The following FRMPD2 variants were observed in gnomAD, a reference collection of about 807,000 sequenced individuals.
The protein encoded by FRMPD2 is FERM and PDZ domain containing 2.
In FRMPD2, 96 loss-of-function variants were observed where a neutral mutation model predicts 140.1. The observed-to-expected ratio is 0.69, with a 90% CI of 0.58 to 0.81. The LOEUF (loss-of-function observed/expected upper bound fraction) is 0.81. Ranked by LOEUF, FRMPD2 falls within the 40% of genes least tolerant of loss-of-function variation. FRMPD2 has a pLI of 0.00. For missense variants in FRMPD2, 1,240 were observed against 1,447.4 expected, an observed-to-expected ratio of 0.86 and a Z score of 2.32; for synonymous variants, 449 against 547.6, an observed-to-expected ratio of 0.82 and a Z score of 2.52.
intron 8 of FRMPD2, among the ~76,000 whole-genome samples, chr10:48,237,207 C>G (rs1839987215): frequency 6.6e-6 from 1 of 152,070 alleles, no homozygotes; most frequent in Non-Finnish European, 1.5e-5. Flanking sequence ...TTCTATAGTG[C>G]CCCCAAGGGT....
intron 9 of FRMPD2, 52 bp downstream of exon 9, chr10:48,236,430 G>T: frequency 6.6e-7 from 1 of 1,526,260 alleles, no homozygotes; most frequent in Non-Finnish European, 9.1e-7. Context: ...TCCCGCAACT[G>T]CCCACTTCCC....
chr10:48,250,795 C>CTT (rs34856884), intron 2 of FRMPD2, among the ~76,000 whole-genome samples: 33 of 117,094 alleles, frequency 2.8e-4, no homozygotes, highest in African/African-American at 6.3e-4. Context: ...GTAGGTCTGC[C>CTT]TTTTTTTTTT....
At chr10:48,224,145 C>T (rs1447226156) in intron 10 of FRMPD2, among the ~76,000 whole-genome samples, 1 of 152,208 alleles carries the variant, frequency 6.6e-6, no homozygotes, top group Non-Finnish European at 1.5e-5. Flanking sequence ...CAAGTGTGTC[C>T]TCCAGTACCC....
In FRMPD2 at chr10:48,274,578, C is replaced by A. The variant is rs1176418153; in HGVS notation, c.-11G>T. 1 of 1,614,042 alleles carries A rather than the reference C, an allele frequency of 6.2e-7. No individual in the cohort carries two copies. The highest frequency in any genetic ancestry group is 1.7e-5 in the Admixed American group (1 of 60,022). On this transcript the variant is annotated 5_prime_UTR_variant, in exon 1 of 29. Transcript: ENST00000374201. ...CGTTAAAGGCTGCATCCAAAAGTCT[C>A]CGTGACCAGGTCTAGGCCTTCATCA... is the stretch of plus-strand genomic sequence containing the variant.
intron 15 of FRMPD2, among the ~76,000 whole-genome samples, chr10:48,195,407 T>C (rs1838928624): frequency 6.6e-6 from 1 of 152,232 alleles, no homozygotes; most frequent in Non-Finnish European, 1.5e-5. Flanking sequence ...AAGAAGCACT[T>C]GGAAAGTGCT....
At chr10:48,259,901 A>G (rs1423456825) in intron 1 of FRMPD2, among the ~76,000 whole-genome samples, 1 of 152,182 alleles carries the variant, frequency 6.6e-6, no homozygotes, top group Non-Finnish European at 1.5e-5. Context: ...AAGGGAGAGA[A>G]AAACAAGAAC....
In FRMPD2 at chr10:48,207,960, C is replaced by A. The variant is rs116424736; in HGVS notation, c.1612-1027G>T. ...CAGACAGCTATGCTGCCTGCAGACT[C>A]CACAGCTCTTCACACAGGGTTCAGA... On this transcript the variant is annotated intron_variant, in intron 13 of 28. Transcript: ENST00000374201. Among the ~76,000 whole-genome samples the A allele has an allele frequency of 5.7e-3, 868 of 152,300 alleles. 8 individuals are homozygous for A. Among genetic ancestry groups the A allele is most frequent in the African/African-American group, 0.02 (822 of 41,554 alleles).
chr10:48,194,067 T>C (rs925384527), intron 15 of FRMPD2, among the ~76,000 whole-genome samples: 2 of 152,238 alleles, frequency 1.3e-5, no homozygotes, highest in African/African-American at 2.4e-5. Context: ...CATACAGAGC[T>C]TGGGCTTGCT....
chr10:48,209,624 C>T (rs892988399), intron 13 of FRMPD2, among the ~76,000 whole-genome samples: 5 of 152,206 alleles, frequency 3.3e-5, no homozygotes, highest in African/African-American at 7.2e-5. Context: ...TGAGGATCCA[C>T]GGCCTTCCAG....
In FRMPD2 at chr10:48,192,901, T is replaced by C. The variant is rs557217145; in HGVS notation, c.1955-7A>G. On this transcript the variant is annotated splice_polypyrimidine_tract_variant and splice_region_variant and intron_variant, in intron 15 of 28. Coordinates refer to ENST00000374201, the MANE Select transcript of FRMPD2 (RefSeq NM_001018071.4). ...TGCACAAACTTATCATGGTCTGAAT[T>C]TGGGGAGAAAAACATAGACATACAC... 8 of 1,609,302 alleles carry C rather than the reference T, an allele frequency of 5.0e-6. No homozygotes were observed. In the African/African-American group the frequency reaches 1.1e-4, roughly 21 times the overall value.
intron 5 of FRMPD2, among the ~76,000 whole-genome samples, chr10:48,241,507 G>C (rs565507551): frequency 7.2e-5 from 11 of 152,338 alleles, no homozygotes; most frequent in African/African-American, 2.6e-4. Flanking sequence ...GTCTCCAGCT[G>C]AGACTATATC....
chr10:48,172,723 A>G (rs2132407388), intron 25 of FRMPD2, among the ~76,000 whole-genome samples: 1 of 152,258 alleles, frequency 6.6e-6, no homozygotes, highest in South Asian at 2.1e-4. Flanking sequence ...GGGGGCAGAA[A>G]GATGCCTAGA....
intron 14 of FRMPD2, among the ~76,000 whole-genome samples, chr10:48,204,101 C>T (rs2131868179): frequency 6.6e-6 from 1 of 152,290 alleles, no homozygotes; most frequent in African/African-American, 2.4e-5. Context: ...ATGAAATTGA[C>T]CATGCCCTAT....
intron 12 of FRMPD2, among the ~76,000 whole-genome samples, chr10:48,215,731 CAGA>C (rs952078149): frequency 1.3e-5 from 2 of 152,076 alleles, no homozygotes; most frequent in Non-Finnish European, 2.9e-5. Flanking sequence ...GATGGGGAAG[CAGA>C]AGGAGAATGA....
intron 28 of FRMPD2, among the ~76,000 whole-genome samples, chr10:48,159,924 C>T (rs1357710751): frequency 6.6e-6 from 1 of 151,536 alleles, no homozygotes. Flanking sequence ...TTCTATTGGG[C>T]CAGCATTTAA....
intron 1 of FRMPD2, among the ~76,000 whole-genome samples, chr10:48,260,751 C>T (rs943723567): frequency 3.3e-5 from 5 of 152,084 alleles, no homozygotes; most frequent in Non-Finnish European, 7.4e-5. Context: ...AATTACAAGT[C>T]ATGTATAAAA....
chr10:48,185,411 AC>A, intron 18 of FRMPD2, 141 bp downstream of exon 18: 1 of 634,078 alleles, frequency 1.6e-6, no homozygotes, highest in Non-Finnish European at 2.8e-6. Context: ...GAGAAAAAAA[AC>A]AGAAGTGATT....
At chr10:48,243,274 G>A (rs1241776333) in intron 4 of FRMPD2, among the ~76,000 whole-genome samples, 1 of 152,210 alleles carries the variant, frequency 6.6e-6, no homozygotes, top group Non-Finnish European at 1.5e-5. Flanking sequence ...GGAAGCACAG[G>A]CCATGGCACT....
chr10:48,254,393 A>T (rs1352329104), intron 1 of FRMPD2, among the ~76,000 whole-genome samples: 1 of 152,262 alleles, frequency 6.6e-6, no homozygotes, highest in Non-Finnish European at 1.5e-5. Flanking sequence ...TCTGGCAGGC[A>T]GATGAGCCCT....
Sources: gnomAD v4.1 joint callset for allele counts (sites outside exome capture counted in the v4.1 genomes callset) on GRCh38, gnomAD v4.1.1 for gene constraint, MANE v1.5 for transcripts, NCBI Gene and HGNC (gene_info 2026-07-23, HGNC 2026-07-21) for gene names.